The following DCLK3 variants were observed in gnomAD, a reference collection of about 807,000 sequenced individuals.
DCLK3 encodes serine/threonine-protein kinase DCLK3.
DCLK3 carries 30 observed loss-of-function variants against 46.4 expected under a neutral mutation model. That is an observed-to-expected ratio of 0.65 (90% CI 0.48 to 0.88). The LOEUF (loss-of-function observed/expected upper bound fraction) is 0.88, where lower values mean the gene tolerates loss of function less well. DCLK3 is among the 40% of genes least tolerant of loss of function. DCLK3 has a pLI of 0.00. For synonymous variants in DCLK3, 401 were observed against 339.2 expected (o/e 1.18, Z -2.00); for missense variants, 846 against 907.1 (o/e 0.93, Z 0.87).
chr3:36,737,613 G>A lies in DCLK3; in HGVS notation c.1554C>T (p.Ala518=), dbSNP rs377456053. 8 of 1,614,006 alleles carry A rather than the reference G, an allele frequency of 5.0e-6. No homozygotes were observed. Among genetic ancestry groups the A allele is most frequent in the East Asian group, 2.2e-5 (1 of 44,902 alleles). ...GRKPRPMGII[A]ANVEKHYETG... ...TCTCATAATGCTTTTCCACATTGGC[G>A]GCAATGATGCCCATGGGCCGTGGCT... Residue 518 remains alanine (A), a synonymous_variant, in exon 2 of 5, where the codon GCC becomes GCT. Transcript: ENST00000636136. This position sits in a 1 kb window ranked among gnomAD's most constrained non-coding sequence, Gnocchi z 4.4.
At chr3:36,751,080 A>AAAC (rs1553612401) in intron 1 of DCLK3, among the ~76,000 whole-genome samples, 1 of 151,398 alleles carries the variant, frequency 6.6e-6, no homozygotes, top group East Asian at 1.9e-4. Flanking sequence ...AAAAAAAAAA[A>AAAC]AAAAAACTCC....
intron 1 of DCLK3, among the ~76,000 whole-genome samples, chr3:36,753,945 G>A (rs550033071): frequency 1.6e-4 from 24 of 152,258 alleles, no homozygotes; most frequent in African/African-American, 5.5e-4. Context: ...CTCCCAAATT[G>A]CTGGGATTAT....
intron 4 of DCLK3, among the ~76,000 whole-genome samples, chr3:36,715,764 G>T (rs1700970642): frequency 6.6e-6 from 1 of 152,184 alleles, no homozygotes; most frequent in African/African-American, 2.4e-5. Flanking sequence ...ATATTTATAT[G>T]ATTTACTTTG....
intron 1 of DCLK3, among the ~76,000 whole-genome samples, chr3:36,754,837 T>A (rs896990386): frequency 6.6e-6 from 1 of 152,222 alleles, no homozygotes; most frequent in African/African-American, 2.4e-5. Context: ...CTGAGCCACC[T>A]GGAAAGGCAA....
In DCLK3 at chr3:36,721,631, G is replaced by A. The variant is rs1701059166; in HGVS notation, c.1988C>T (p.Thr663Ile). 1 of 1,614,138 alleles carries A rather than the reference G, an allele frequency of 6.2e-7. No homozygotes were observed. ...LVQRNEDKST[T>I]LKLADFGLAK... is the part of the protein sequence containing the mutation. ...AAGTCCAAAATCAGCCAATTTCAAG[G>A]TAGTAGATTTGTCCTCATTTCGCTG... Residue 663 changes from threonine to isoleucine, a missense_variant, in exon 3 of 5, where the codon ACC (threonine) becomes ATC (isoleucine). Coordinates refer to ENST00000636136, the MANE Select transcript of DCLK3 (RefSeq NM_001394672.2).
chr3:36,732,474 C>G (rs1490437649), intron 2 of DCLK3, among the ~76,000 whole-genome samples: 3 of 152,176 alleles, frequency 2.0e-5, no homozygotes, highest in Non-Finnish European at 4.4e-5. Flanking sequence ...ACAGTCATAA[C>G]TGCAATGATT....
In DCLK3 at chr3:36,737,661, C is replaced by A; in HGVS notation, c.1506G>T (p.Lys502Asn). 1 of 1,613,826 alleles carries A rather than the reference C, an allele frequency of 6.2e-7. No individual in the cohort carries two copies. The highest frequency in any genetic ancestry group is 8.5e-7 in the Non-Finnish European group (1 of 1,179,884). ...GCTTCCGACCGCTGGGCCGCTCTGG[C>A]TTGTTCTCTTCTGGCCTCGTCTTGG... is the stretch of plus-strand genomic sequence containing the variant. ...KEPKTRPEEN[K>N]PERPSGRKPR... The change falls in exon 2 of 5, where the codon AAG becomes AAT. Residue 502 changes from lysine to asparagine, a missense_variant. Lys to Asn is a moderately conservative substitution (Grantham distance 94). Coordinates refer to ENST00000636136, the MANE Select transcript of DCLK3 (RefSeq NM_001394672.2). This position sits in a 1 kb window ranked among gnomAD's most constrained non-coding sequence, Gnocchi z 4.4.
chr3:36,715,182 A>T lies in DCLK3; in HGVS notation c.*146T>A. 2 of 858,388 alleles carry T rather than the reference A, an allele frequency of 2.3e-6. No individual in the cohort carries two copies. The highest frequency in any genetic ancestry group is 3.3e-6 in the Non-Finnish European group (2 of 597,708). The allele number at this position is 858,388 out of a possible 1,614,324, so 53.2% of individuals were successfully genotyped here. Reference sequence around the variant, plus strand: ...CATTTAACATTGACTTAATTTTTTTAATATGCTTTAAAATATACTCAGTGT... The same window carrying T: ...CATTTAACATTGACTTAATTTTTTTTATATGCTTTAAAATATACTCAGTGT... On this transcript the variant is annotated 3_prime_UTR_variant, in exon 5 of 5. Transcript: ENST00000636136.
At chr3:36,756,911 C>G (rs1410517094) in intron 1 of DCLK3, among the ~76,000 whole-genome samples, 2 of 151,336 alleles carry the variant, frequency 1.3e-5, no homozygotes, top group East Asian at 4.0e-4. Context: ...CAGAGGCCCT[C>G]CAGGGGAGGC....
At chr3:36,716,462 C>T (rs1490704729) in intron 4 of DCLK3, among the ~76,000 whole-genome samples, 1 of 151,790 alleles carries the variant, frequency 6.6e-6, no homozygotes, top group Non-Finnish European at 1.5e-5. Flanking sequence ...AGCCCCAGCC[C>T]CACCACTGCC....
At chr3:36,730,225 CACAA>C (rs1701183622) in intron 2 of DCLK3, among the ~76,000 whole-genome samples, 1 of 148,822 alleles carries the variant, frequency 6.7e-6, no homozygotes, top group Non-Finnish European at 1.5e-5. Context: ...CACACACACA[CACAA>C]ACACATAAAC....
chr3:36,716,143 A>AT (rs769707518), intron 4 of DCLK3, among the ~76,000 whole-genome samples: 2 of 152,216 alleles, frequency 1.3e-5, no homozygotes, highest in African/African-American at 2.4e-5. Flanking sequence ...TTTTAGAGAA[A>AT]TGAGGGCCCA....
At chr3:36,744,883 C>T (rs368308057) in intron 1 of DCLK3, among the ~76,000 whole-genome samples, 4 of 152,202 alleles carry the variant, frequency 2.6e-5, no homozygotes, top group African/African-American at 7.2e-5. Context: ...TTCTGCTCAT[C>T]GACCCTAGGA....
chr3:36,713,827 G>A lies in DCLK3; in HGVS notation c.*1501C>T, dbSNP rs76601472. On this transcript the variant is annotated 3_prime_UTR_variant, in exon 5 of 5. Transcript: ENST00000636136. ...TGGATGGCCCTTCAGTATTGTCCCT[G>A]TTTGGGACAAAGGAGCTGAGCCACC... The A allele has an allele frequency of 3.9e-4, 60 of 152,348 alleles. No homozygotes were observed. Among genetic ancestry groups the A allele is most frequent in the African/African-American group, 1.3e-3 (55 of 41,574 alleles). The allele number at this position is 152,348 out of a possible 1,614,324, so 9.4% of individuals were successfully genotyped here.
At chr3:36,739,128 C>A in intron 1 of DCLK3, 44 bp from the exon 2 acceptor site, 1 of 398,042 alleles carries the variant, frequency 2.5e-6, no homozygotes, top group South Asian at 1.4e-4. Flanking sequence ...AAGATGGGTT[C>A]AGAGAGCCCT....
intron 1 of DCLK3, among the ~76,000 whole-genome samples, chr3:36,750,538 T>C (rs1701431826): frequency 6.6e-6 from 1 of 152,226 alleles, no homozygotes; most frequent in Non-Finnish European, 1.5e-5. Context: ...GACTTGCTGG[T>C]AAAAATTCTC....
chr3:36,717,108 C>A (rs190942958), intron 4 of DCLK3, among the ~76,000 whole-genome samples: 1 of 152,288 alleles, frequency 6.6e-6, no homozygotes, highest in East Asian at 1.9e-4. Flanking sequence ...TGTTATCACT[C>A]CTATTCTACT....
At chr3:36,723,762 C>T (rs754119192) in intron 2 of DCLK3, among the ~76,000 whole-genome samples, 10 of 152,160 alleles carry the variant, frequency 6.6e-5, no homozygotes, top group Non-Finnish European at 1.2e-4. Context: ...TGTATGCAAA[C>T]GCCTGGATGT....
chr3:36,744,881 A>G (rs1158849302), intron 1 of DCLK3, among the ~76,000 whole-genome samples: 1 of 152,240 alleles, frequency 6.6e-6, no homozygotes, highest in East Asian at 1.9e-4. Flanking sequence ...ATTTCTGCTC[A>G]TCGACCCTAG....
Sources: gnomAD v4.1 joint callset for allele counts (sites outside exome capture counted in the v4.1 genomes callset) on GRCh38, gnomAD v4.1.1 for gene constraint, Gnocchi (gnomAD v3.1) non-coding constraint, MANE v1.5 for transcripts, NCBI Gene and HGNC (gene_info 2026-07-23, HGNC 2026-07-21) for gene names.